Variants in TTBK2 observed in about 807,000 individuals in gnomAD.
TTBK2 encodes tau tubulin kinase 2.
TTBK2 carries 28 observed loss-of-function variants against 110.8 expected under a neutral mutation model. That is an observed-to-expected ratio of 0.25 (90% CI 0.19 to 0.35). TTBK2 has a LOEUF of 0.35. Ranked by LOEUF, TTBK2 falls within the 10% of genes least tolerant of loss-of-function variation. TTBK2 has a pLI of 1.00. For missense variants in TTBK2, 1,369 were observed against 1,500.3 expected, an observed-to-expected ratio of 0.91 and a Z score of 1.45; for synonymous variants, 532 against 527.3, an observed-to-expected ratio of 1.01 and a Z score of -0.12.
chr15:42,918,775 G>T (rs148438272), intron 1 of TTBK2, among the ~76,000 whole-genome samples: 59 of 152,182 alleles, frequency 3.9e-4, no homozygotes, highest in Non-Finnish European at 6.8e-4. Context: ...AAGATTTCCT[G>T]AAGTATTAAA....
intron 13 of TTBK2, among the ~76,000 whole-genome samples, chr15:42,772,400 G>A (rs1430050749): frequency 6.6e-6 from 1 of 152,108 alleles, no homozygotes; most frequent in African/African-American, 2.4e-5. Flanking sequence ...TCCCTTTCCA[G>A]CCAAACTTTT....
At chr15:42,870,190 T>C (rs549966706) in intron 3 of TTBK2, among the ~76,000 whole-genome samples, 1 of 151,794 alleles carries the variant, frequency 6.6e-6, no homozygotes, top group African/African-American at 2.4e-5. Flanking sequence ...AAAATAATAA[T>C]AATAATAAAA....
At position 42,848,652 on chromosome 15, in the gene TTBK2, G is replaced by A. The variant is rs1254575048; in HGVS notation, c.218-8219C>T. Among the ~76,000 whole-genome samples the A allele has an allele frequency of 3.9e-5, 6 of 152,070 alleles. No individual in the cohort carries two copies. The Middle Eastern group carries it at 0.01, about 259-fold the overall frequency. ...ATTACAGGAATGCACCACCATGCTC[G>A]GCTAATTTTGTATTTTTAGTAGAGA... On this transcript the variant is annotated intron_variant, in intron 3 of 14. Coordinates refer to ENST00000267890, the MANE Select transcript of TTBK2 (RefSeq NM_173500.4).
intron 11 of TTBK2, among the ~76,000 whole-genome samples, chr15:42,777,846 G>C (rs185436223): frequency 5.3e-5 from 8 of 152,246 alleles, no homozygotes. Context: ...GTGACAGAGG[G>C]AAGTCTGGGA....
At chr15:42,842,131 A>G (rs1478783326) in intron 3 of TTBK2, among the ~76,000 whole-genome samples, 2 of 152,134 alleles carry the variant, frequency 1.3e-5, no homozygotes, top group East Asian at 3.9e-4. Context: ...TCTGGGCTTA[A>G]GCAATCCTCC....
At chr15:42,811,017 G>C (rs1004026610) in intron 8 of TTBK2, among the ~76,000 whole-genome samples, 3 of 152,102 alleles carry the variant, frequency 2.0e-5, no homozygotes, top group Non-Finnish European at 4.4e-5. Context: ...CTGAGACAGG[G>C]TCTTGCTCTG....
intron 7 of TTBK2, among the ~76,000 whole-genome samples, chr15:42,816,128 T>TATATA (rs1892018639): frequency 8.9e-6 from 1 of 112,684 alleles, no homozygotes; most frequent in Non-Finnish European, 1.7e-5. Context: ...ATGTGTATAT[T>TATATA]TTTTTTGAGA....
intron 1 of TTBK2, among the ~76,000 whole-genome samples, chr15:42,882,450 A>G (rs1049719096): frequency 4.7e-5 from 7 of 148,342 alleles, no homozygotes; most frequent in Non-Finnish European, 4.5e-5. Context: ...AATACAAAAT[A>G]TATATATATA....
At chr15:42,880,165 TAAC>T (rs1894984396) in intron 1 of TTBK2, among the ~76,000 whole-genome samples, 1 of 152,068 alleles carries the variant, frequency 6.6e-6, no homozygotes, top group Non-Finnish European at 1.5e-5. Context: ...GAAAGGACCG[TAAC>T]AACAAGTAAT....
chr15:42,871,110 G>A (rs1484939857), intron 3 of TTBK2, among the ~76,000 whole-genome samples: 2 of 152,102 alleles, frequency 1.3e-5, no homozygotes, highest in East Asian at 3.9e-4. Flanking sequence ...TAAGTATGCA[G>A]AAGGCATAAG....
intron 10 of TTBK2, among the ~76,000 whole-genome samples, chr15:42,794,365 T>C (rs1170891064): frequency 6.6e-6 from 1 of 152,190 alleles, no homozygotes; most frequent in Non-Finnish European, 1.5e-5. Context: ...ACACAACTAA[T>C]GCTGGTCCTC....
chr15:42,824,767 C>T (rs1441235016), intron 6 of TTBK2, among the ~76,000 whole-genome samples: 2 of 152,112 alleles, frequency 1.3e-5, no homozygotes, highest in South Asian at 2.1e-4. Context: ...CTATTGGGTA[C>T]TAGGCTTAGT....
chr15:42,789,650 C>T (rs1206153219), intron 10 of TTBK2, among the ~76,000 whole-genome samples: 1 of 152,072 alleles, frequency 6.6e-6, no homozygotes, highest in Non-Finnish European at 1.5e-5. Flanking sequence ...AGGAGAATCC[C>T]TTGAATCCAG....
chr15:42,774,532 C>T (rs1186660377), intron 13 of TTBK2, among the ~76,000 whole-genome samples: 5 of 152,020 alleles, frequency 3.3e-5, no homozygotes, highest in Non-Finnish European at 2.9e-5. Context: ...TCATAAATGC[C>T]GCCTCTACCT....
At chr15:42,907,277 C>CA (rs1050075629) in intron 1 of TTBK2, among the ~76,000 whole-genome samples, 3 of 151,880 alleles carry the variant, frequency 2.0e-5, no homozygotes, top group East Asian at 1.9e-4. Flanking sequence ...AGAGGTTCCT[C>CA]AAAAAAACTA....
intron 1 of TTBK2, among the ~76,000 whole-genome samples, chr15:42,901,353 C>T (rs2029995432): frequency 6.6e-6 from 1 of 151,026 alleles, no homozygotes; most frequent in East Asian, 1.9e-4. Flanking sequence ...CAGAGCAAGA[C>T]TCCGTCTTGA....
rs772993319 is a variant in TTBK2 at position 42,775,278 on chromosome 15, C to T, written c.1855G>A (p.Ala619Thr). Reference protein sequence around the residue: ...LKKETSGVVLALSAEGPPTAA... With the variant: ...LKKETSGVVLTLSAEGPPTAA... ...GTAGGAGGACCCTCTGCAGAAAGTG[C>T]TAAGACCACACCTGAGGTTTCCTTC... Residue 619 changes from alanine to threonine, a missense_variant, in exon 13 of 15, where the codon GCA becomes ACA. Coordinates refer to ENST00000267890, the MANE Select transcript of TTBK2 (RefSeq NM_173500.4). The T allele has an allele frequency of 5.0e-6, 8 of 1,614,100 alleles. No homozygotes were observed. The highest frequency in any genetic ancestry group is 6.8e-6 in the Non-Finnish European group (8 of 1,180,050).
At chr15:42,832,884 A>G (rs1272394430) in intron 4 of TTBK2, among the ~76,000 whole-genome samples, 1 of 152,128 alleles carries the variant, frequency 6.6e-6, no homozygotes, top group Non-Finnish European at 1.5e-5. Flanking sequence ...CTTAGAAAGT[A>G]TCTCCTCAGA....
At chr15:42,754,946 T>C (rs1483423683) in intron 13 of TTBK2, among the ~76,000 whole-genome samples, 1 of 140,174 alleles carries the variant, frequency 7.1e-6, no homozygotes, top group East Asian at 2.2e-4. Flanking sequence ...AGGCAGAGGT[T>C]GTGGTGAGCC....
Sources: gnomAD v4.1 joint callset for allele counts (sites outside exome capture counted in the v4.1 genomes callset) on GRCh38, gnomAD v4.1.1 for gene constraint, MANE v1.5 for transcripts, NCBI Gene and HGNC (gene_info 2026-07-23, HGNC 2026-07-21) for gene names.